The following OTOP1 variants were observed in gnomAD, a reference collection of about 807,000 sequenced individuals.
OTOP1 encodes the protein proton channel OTOP1.
OTOP1 carries 59 observed loss-of-function variants against 52.9 expected under a neutral mutation model. That is an observed-to-expected ratio of 1.12 (90% CI 0.91 to 1.39). OTOP1 has a LOEUF of 1.39. Among genes scored for constraint, OTOP1 ranks in the 40% most tolerant of loss-of-function variants. OTOP1 has a pLI of 0.00. For missense variants in OTOP1, 761 were observed against 800.9 expected, an observed-to-expected ratio of 0.95 and a Z score of 0.60; for synonymous variants, 317 against 337.7, an observed-to-expected ratio of 0.94 and a Z score of 0.67.
intron 1 of OTOP1, among the ~76,000 whole-genome samples, chr4:4,214,785 G>C (rs1273025273): frequency 1.3e-5 from 2 of 152,106 alleles, no homozygotes; most frequent in African/African-American, 4.8e-5. Context: ...GTGGTTGCCA[G>C]GTGCTAGAGG....
At chr4:4,199,784 A>T (rs1279539610) in intron 4 of OTOP1, among the ~76,000 whole-genome samples, 2 of 152,236 alleles carry the variant, frequency 1.3e-5, no homozygotes, top group East Asian at 3.8e-4. Flanking sequence ...CAAACTGTGT[A>T]TCTATTTTTT....
intron 2 of OTOP1, among the ~76,000 whole-genome samples, chr4:4,212,349 C>G (rs1195982258): frequency 6.6e-6 from 1 of 152,144 alleles, no homozygotes; most frequent in African/African-American, 2.4e-5. Context: ...AGATTTTAAT[C>G]CCCAAACGAG....
At chr4:4,204,409 C>T (rs1716852761) in intron 3 of OTOP1, among the ~76,000 whole-genome samples, 1 of 152,144 alleles carries the variant, frequency 6.6e-6, no homozygotes, top group South Asian at 2.1e-4. Flanking sequence ...ACTCATAATG[C>T]ACACAGCTCC....
chr4:4,200,098 A>G (rs1716748246), intron 4 of OTOP1, among the ~76,000 whole-genome samples: 1 of 152,192 alleles, frequency 6.6e-6, no homozygotes, highest in South Asian at 2.1e-4. Context: ...AAAATAACCA[A>G]ACGTTCACAG....
In OTOP1 at chr4:4,198,157, A is replaced by G. The variant is rs558540907; in HGVS notation, c.731-54T>C. The G allele has an allele frequency of 1.2e-4, 168 of 1,429,280 alleles. No homozygotes were observed. In the African/African-American group the frequency reaches 2.1e-3, roughly 18 times the overall value. The allele number at this position is 1,429,280 out of a possible 1,614,324, so 88.5% of individuals were successfully genotyped here. On this transcript the variant is annotated intron_variant, in intron 4 of 5. Transcript: ENST00000296358. ...GGGCGATTAGCAGGTGCAAGGGGGA[A>G]CAGAAAAGCACAGAAAACTGTTTCC...
chr4:4,195,305 C>T (rs555563824), intron 5 of OTOP1, among the ~76,000 whole-genome samples: 4 of 152,354 alleles, frequency 2.6e-5, no homozygotes, highest in Non-Finnish European at 4.4e-5. Flanking sequence ...AAATGCTTCT[C>T]CCTGCCTTGA....
In OTOP1 at chr4:4,219,940, T is replaced by C. The variant is rs140690671; in HGVS notation, c.403+6522A>G. Among the ~76,000 whole-genome samples the C allele has an allele frequency of 9.6e-3, 1,366 of 142,352 alleles. 19 individuals carry two copies. Among genetic ancestry groups the C allele is most frequent in the African/African-American group, 0.035 (1,286 of 36,634 alleles). 93.4% of individuals were successfully genotyped at this position (142,352 alleles called of 152,430 possible). On this transcript the variant is annotated intron_variant, in intron 1 of 5. Transcript: ENST00000296358. Reference sequence around the variant, plus strand: ...ATATACGTATACATGTATACATATATACACATATATACGTATACATGTATA... The same window carrying C: ...ATATACGTATACATGTATACATATACACACATATATACGTATACATGTATA...
At chr4:4,200,233 C>T (rs61130402) in intron 4 of OTOP1, among the ~76,000 whole-genome samples, 15,458 of 152,046 alleles carry the variant, frequency 0.1, 1,044 homozygotes, top group East Asian at 0.33. Context: ...TGGTGGCTCA[C>T]GCCTGTAATC....
chr4:4,216,725 AC>A (rs1175265752), intron 1 of OTOP1, among the ~76,000 whole-genome samples: 2 of 152,370 alleles, frequency 1.3e-5, no homozygotes, highest in African/African-American at 2.4e-5. Context: ...TTACAAAAAA[AC>A]ATAGCAAGAT....
intron 1 of OTOP1, among the ~76,000 whole-genome samples, chr4:4,223,099 A>T (rs148780523): frequency 6.6e-5 from 10 of 152,200 alleles, no homozygotes; most frequent in Non-Finnish European, 1.5e-4. Flanking sequence ...TTACATTATT[A>T]TGGGGCAACT....
At position 4,197,577 on chromosome 4, in the gene OTOP1, G is replaced by T; in HGVS notation, c.1257C>A (p.Pro419=). The change falls in exon 5 of 6, where the codon CCC becomes CCA. Residue 419 remains proline (P), a synonymous_variant. Transcript: ENST00000296358. ...ILAILCAEGH[P]RYTWYNLPYS... ...AGGGCAGGTTGTACCAGGTGTAGCG[G>T]GGGTGGCCCTCAGCACAGAGGATGG... 6.2e-7 allele frequency: 1 copy of T among 1,614,018 alleles called. No homozygotes were observed. The highest frequency in any genetic ancestry group is 8.5e-7 in the Non-Finnish European group (1 of 1,180,012).
At chr4:4,215,177 G>A (rs1486083725) in intron 1 of OTOP1, among the ~76,000 whole-genome samples, 2 of 152,140 alleles carry the variant, frequency 1.3e-5, no homozygotes, top group African/African-American at 4.8e-5. Flanking sequence ...TAGAAGGCAG[G>A]TGCTGTGTCC....
At chr4:4,219,816 T>C (rs1717238419) in intron 1 of OTOP1, among the ~76,000 whole-genome samples, 2 of 138,914 alleles carry the variant, frequency 1.4e-5, no homozygotes, top group South Asian at 4.7e-4. Context: ...TACGTGTATA[T>C]ATGTATACAT....
chr4:4,226,890 G>A lies in OTOP1; in HGVS notation c.-26C>T. 7.7e-7 allele frequency: 1 copy of A among 1,301,964 alleles called. No individual in the cohort carries two copies. Among genetic ancestry groups the A allele is most frequent in the Non-Finnish European group, 9.7e-7 (1 of 1,028,204 alleles). 80.7% of individuals were successfully genotyped at this position (1,301,964 alleles called of 1,614,324 possible). ...CTTCGAGACACCCGCGCCAAGTCTGGTCCCGGGGGTGGCTGCCGTCGGGCC... is the reference window on the plus strand; with the variant it reads ...CTTCGAGACACCCGCGCCAAGTCTGATCCCGGGGGTGGCTGCCGTCGGGCC... On this transcript the variant is annotated 5_prime_UTR_variant, in exon 1 of 6. Coordinates refer to ENST00000296358, the MANE Select transcript of OTOP1 (RefSeq NM_177998.3).
intron 1 of OTOP1, among the ~76,000 whole-genome samples, chr4:4,225,437 T>C (rs962716716): frequency 2.0e-5 from 3 of 152,090 alleles, no homozygotes; most frequent in Non-Finnish European, 2.9e-5. Context: ...GGCAAGGCCA[T>C]GTGTGTCTAT....
At chr4:4,189,245 C>T (rs936009959) in intron 5 of OTOP1, among the ~76,000 whole-genome samples, 37 of 152,356 alleles carry the variant, frequency 2.4e-4, no homozygotes, top group African/African-American at 7.9e-4. Flanking sequence ...TCTTTCCATC[C>T]CTACAGCCCT....
intron 1 of OTOP1, among the ~76,000 whole-genome samples, chr4:4,222,446 A>G (rs1292563541): frequency 1.3e-5 from 2 of 152,082 alleles, no homozygotes; most frequent in Non-Finnish European, 2.9e-5. Flanking sequence ...CACTCTTTCC[A>G]GTGGCCTGTG....
chr4:4,200,363 T>C (rs1404423894), intron 4 of OTOP1, among the ~76,000 whole-genome samples: 1 of 151,570 alleles, frequency 6.6e-6, no homozygotes, highest in East Asian at 1.9e-4. Context: ...TAGTCCCAGC[T>C]ACTCGGGAGG....
At chr4:4,223,631 G>A (rs2041203753) in intron 1 of OTOP1, among the ~76,000 whole-genome samples, 1 of 152,190 alleles carries the variant, frequency 6.6e-6, no homozygotes, top group Admixed American at 6.5e-5. Flanking sequence ...CGGGCGTGGT[G>A]GCCCATGCCT....
Sources: gnomAD v4.1 joint callset for allele counts (sites outside exome capture counted in the v4.1 genomes callset) on GRCh38, gnomAD v4.1.1 for gene constraint, MANE v1.5 for transcripts, NCBI Gene and HGNC (gene_info 2026-07-23, HGNC 2026-07-21) for gene names.